Variants in CHFR observed in about 807,000 individuals in gnomAD.
CHFR encodes checkpoint with forkhead and ring finger domains, also known as E3 ubiquitin-protein ligase CHFR.
A neutral mutation model predicts 87.6 loss-of-function variants in CHFR; 57 were observed. The ratio of observed to expected loss-of-function variants is 0.65; its 90% CI spans 0.53 to 0.81. The LOEUF (loss-of-function observed/expected upper bound fraction) is 0.81. CHFR is among the 30% of genes least tolerant of loss of function. CHFR has a pLI of 0.00. For synonymous variants in CHFR, 381 were observed against 359.2 expected (o/e 1.06, Z -0.69); for missense variants, 797 against 865.8 (o/e 0.92, Z 1.00).
chr12:132,879,603 A>G lies in CHFR; in HGVS notation c.134-1949T>C, dbSNP rs559081200. ...ATGAGGTTTCACAATGTTGGCCAGG[A>G]TGGTCTCGATCTCTTGACCTCGTGA... is the stretch of plus-strand genomic sequence containing the variant. On this transcript the variant is annotated intron_variant, in intron 2 of 17. Coordinates refer to ENST00000450056, the MANE Select transcript of CHFR (RefSeq NM_001161346.2). Among the ~76,000 whole-genome samples, 15 of 150,336 alleles carry G rather than the reference A, an allele frequency of 1.0e-4. No homozygotes were observed. The East Asian group carries it at 2.8e-3, about 28-fold the overall frequency.
At chr12:132,849,061 C>T (rs1354820759) in intron 12 of CHFR, 1 of 234,526 alleles carries the variant, frequency 4.3e-6, no homozygotes, top group African/African-American at 2.3e-5. Flanking sequence ...ATCCACCCAC[C>T]TCAGCCTCCT....
intron 4 of CHFR, 88 bp from the exon 5 acceptor site, chr12:132,870,871 T>G (rs1477285124): frequency 1.3e-6 from 1 of 751,122 alleles, no homozygotes; most frequent in Non-Finnish European, 2.3e-6. Flanking sequence ...AGTCCATTTG[T>G]TTTTGTTGAT....
chr12:132,851,631 G>T lies in CHFR; in HGVS notation c.1479C>A (p.Val493=), dbSNP rs920038038. 7 of 1,611,476 alleles carry T rather than the reference G, an allele frequency of 4.3e-6. No homozygotes were observed. The African/African-American group carries it at 8.0e-5, about 18-fold the overall frequency. ...GCGGGCACTCACACTGCTGAGGGGC[G>T]ACACGCGGGTCCTGCTCGCGCTCCG... ...RRAEREQDPR[V]APQQCAVCLQ... The change falls in exon 12 of 18, where the codon GTC becomes GTA. Residue 493 remains valine, a synonymous_variant. Transcript: ENST00000450056.
At chr12:132,876,393 A>C (rs1243149943) in intron 3 of CHFR, among the ~76,000 whole-genome samples, 1 of 152,228 alleles carries the variant, frequency 6.6e-6, no homozygotes, top group Non-Finnish European at 1.5e-5. Flanking sequence ...CACTCAAAAA[A>C]ATACTCACTG....
At position 132,837,342 on chromosome 12, in the gene CHFR, G is replaced by A. The variant is rs1950655487; in HGVS notation, c.*4212C>T. ...GTGTTTAACAACCTTCTCTTCAGAA[G>A]AAAACAAAAGCAAAATTAAAAACCA... On this transcript the variant is annotated 3_prime_UTR_variant, in exon 18 of 18. Coordinates refer to ENST00000450056, the MANE Select transcript of CHFR (RefSeq NM_001161346.2). 1 of 158,034 alleles carries A rather than the reference G, an allele frequency of 6.3e-6. No individual in the cohort carries two copies. Among genetic ancestry groups the A allele is most frequent in the African/African-American group, 2.4e-5 (1 of 41,444 alleles). 9.8% of individuals were successfully genotyped at this position (158,034 alleles called of 1,614,324 possible). A position where few individuals can be genotyped will look rare whatever the true frequency, so the allele number is the denominator to read the frequency against.
intron 4 of CHFR, among the ~76,000 whole-genome samples, chr12:132,871,176 G>A (rs1381722181): frequency 2.0e-5 from 3 of 152,250 alleles, no homozygotes; most frequent in Non-Finnish European, 4.4e-5. Flanking sequence ...GGGTGGCCAG[G>A]TGCAGTGGCT....
chr12:132,848,662 C>T lies in CHFR; in HGVS notation c.1555G>A (p.Gly519Ser), dbSNP rs1349644861. 8.8e-6 allele frequency: 14 copies of T among 1,593,992 alleles called. No homozygotes were observed. The highest frequency in any genetic ancestry group is 6.0e-6 in the Non-Finnish European group (7 of 1,170,856). Reference sequence around the variant, plus strand: ...TTACCACAAAACGGGGCCAGGCAGCCGTAGCAGCCGGTCCGGGTGCAGCCC... The same window carrying T: ...TTACCACAAAACGGGGCCAGGCAGCTGTAGCAGCCGGTCCGGGTGCAGCCC... Reference protein sequence around the residue: ...YWGCTRTGCYGCLAPFCELNL... With the variant: ...YWGCTRTGCYSCLAPFCELNL... The change falls in exon 13 of 18, where the codon GGC becomes AGC. Residue 519 changes from glycine to serine, a missense_variant. Gly to Ser is a moderately conservative substitution (Grantham distance 56). This residue lies in a region of CHFR where 200 missense variants were observed against 264.6 expected (regional missense o/e 0.76). Transcript: ENST00000450056.
intron 2 of CHFR, among the ~76,000 whole-genome samples, chr12:132,882,184 C>T (rs1951784851): frequency 6.6e-6 from 1 of 152,160 alleles, no homozygotes; most frequent in African/African-American, 2.4e-5. Flanking sequence ...CATGGTGCAT[C>T]CAAACCACAG....
In CHFR at chr12:132,870,758, T is replaced by TA. The variant is rs2137020043; in HGVS notation, c.368dup (p.Leu123PhefsTer3). On this transcript the variant is annotated frameshift_variant, in exon 5 of 18. Transcript: ENST00000450056. LOFTEE classifies it high-confidence loss of function. The stretch of plus-strand genomic sequence containing the variant: ...CTTGTGTCATGCCTTGCTTTTCACT[T>TA]AAAGATTCATAGAGGTATGCCACGT... 2 of 1,611,458 alleles carry TA rather than the reference T, an allele frequency of 1.2e-6. No individual in the cohort carries two copies. Among genetic ancestry groups the TA allele is most frequent in the East Asian group, 4.5e-5 (2 of 44,842 alleles).
chr12:132,873,188 C>G (rs1010414776), intron 3 of CHFR, among the ~76,000 whole-genome samples: 3 of 152,192 alleles, frequency 2.0e-5, no homozygotes, highest in Non-Finnish European at 2.9e-5. Context: ...GAACTCACAT[C>G]CGAGTGACCA....
At chr12:132,886,684 A>ATT (rs1338402805) in intron 2 of CHFR, among the ~76,000 whole-genome samples, 1 of 152,206 alleles carries the variant, frequency 6.6e-6, no homozygotes, top group African/African-American at 2.4e-5. Context: ...GGGACTTGAG[A>ATT]TCTTTTTTAA....
chr12:132,879,635 C>T (rs568801667), intron 2 of CHFR, among the ~76,000 whole-genome samples: 11 of 152,124 alleles, frequency 7.2e-5, no homozygotes, highest in African/African-American at 1.9e-4. Flanking sequence ...GTGATATGCC[C>T]GCCTCGGCTT....
At chr12:132,870,006 C>T (rs546206649) in intron 5 of CHFR, among the ~76,000 whole-genome samples, 1 of 151,942 alleles carries the variant, frequency 6.6e-6, no homozygotes, top group Admixed American at 6.6e-5. Context: ...GTCAGGAGTT[C>T]GAGACCAGCC....
At chr12:132,859,026 G>C in intron 8 of CHFR, 42 bp downstream of exon 8, 1 of 1,583,720 alleles carries the variant, frequency 6.3e-7, no homozygotes, top group Non-Finnish European at 8.6e-7. Flanking sequence ...CGAAGAACCT[G>C]CAGTGCCATG....
At position 132,859,284 on chromosome 12, in the gene CHFR, A is replaced by C. The variant is rs879819925; in HGVS notation, c.752-57T>G. 8.6e-6 allele frequency: 13 copies of C among 1,518,570 alleles called. No individual in the cohort carries two copies. In the Admixed American group the frequency reaches 2.3e-4, roughly 27 times the overall value. The allele number at this position is 1,518,570 out of a possible 1,614,324, so 94.1% of individuals were successfully genotyped here. ...CCAAGAAGGAAATACACGCAGGTTC[A>C]GGTCAAGGTCCCCGTCCACAGGAGA... On this transcript the variant is annotated intron_variant, in intron 7 of 17. Transcript: ENST00000450056.
intron 2 of CHFR, 55 bp from the exon 3 acceptor site, chr12:132,877,709 T>C: frequency 2.8e-6 from 3 of 1,084,564 alleles, no homozygotes; most frequent in Admixed American, 2.1e-5. Context: ...CTGTGAACAC[T>C]ACTGCACTTT....
intron 1 of CHFR, 47 bp downstream of exon 1, chr12:132,887,500 G>A (rs1052263518): frequency 3.6e-6 from 1 of 275,000 alleles, no homozygotes; most frequent in African/African-American, 2.3e-5. Context: ...GCCGCAACCA[G>A]GTCCCCCTTC....
intron 2 of CHFR, among the ~76,000 whole-genome samples, chr12:132,886,173 A>C (rs7297272): frequency 0.16 from 24,042 of 152,024 alleles, 4,012 homozygotes; most frequent in East Asian, 0.46. Flanking sequence ...TTAGCCAGGC[A>C]TGGTGGCGCA....
intron 2 of CHFR, among the ~76,000 whole-genome samples, chr12:132,881,049 T>C (rs1951757086): frequency 2.0e-5 from 3 of 151,462 alleles, no homozygotes. Flanking sequence ...GGCGGATCAC[T>C]TCAGACCAGG....
Sources: allele counts gnomAD v4.1 joint callset (sites outside exome capture counted in the v4.1 genomes callset), GRCh38; gene constraint gnomAD v4.1.1; regional missense constraint gnomAD v4.1.1; transcripts MANE v1.5; gene names NCBI Gene and HGNC (gene_info 2026-07-23, HGNC 2026-07-21).